PLEKHM3: variants seen among roughly 807,000 people sequenced by gnomAD.
The protein encoded by PLEKHM3 is pleckstrin homology domain-containing family M member 3.
PLEKHM3 carries 45 observed loss-of-function variants against 81.8 expected under a neutral mutation model. The observed-to-expected ratio is 0.55, with a 90% CI of 0.43 to 0.71. The LOEUF (loss-of-function observed/expected upper bound fraction) is 0.71, where lower values mean the gene tolerates loss of function less well. PLEKHM3 is among the 30% of genes least tolerant of loss of function. The pLI is 0.00. For missense variants in PLEKHM3, 788 were observed against 924.3 expected (o/e 0.85, Z 1.91); for synonymous variants, 352 against 356.4 (o/e 0.99, Z 0.14).
intron 7 of PLEKHM3, among the ~76,000 whole-genome samples, chr2:207,837,048 C>T (rs2092323368): frequency 6.6e-6 from 1 of 152,102 alleles, no homozygotes; most frequent in Non-Finnish European, 1.5e-5. Context: ...CTGGTTTTTC[C>T]AAAAAACCAA....
chr2:207,887,333 A>G (rs1183047341), intron 6 of PLEKHM3, among the ~76,000 whole-genome samples: 2 of 152,238 alleles, frequency 1.3e-5, no homozygotes, highest in Non-Finnish European at 2.9e-5. Flanking sequence ...TTACTTGACC[A>G]ACAGCAAGTC....
chr2:207,917,414 A>T (rs753531897), intron 5 of PLEKHM3, among the ~76,000 whole-genome samples: 3 of 152,236 alleles, frequency 2.0e-5, no homozygotes, highest in Admixed American at 6.5e-5. Flanking sequence ...TTTTTGCTAA[A>T]ATAGACTTAT....
chr2:208,006,303 TA>T, intron 1 of PLEKHM3, among the ~76,000 whole-genome samples: 1 of 152,310 alleles, frequency 6.6e-6, no homozygotes, highest in Admixed American at 6.5e-5. Flanking sequence ...AATCAAAATA[TA>T]ATAAATATAT....
At chr2:207,890,473 C>A (rs1340154271) in intron 6 of PLEKHM3, among the ~76,000 whole-genome samples, 1 of 152,022 alleles carries the variant, frequency 6.6e-6, no homozygotes, top group African/African-American at 2.4e-5. Flanking sequence ...ACAAAAAATA[C>A]AGAAATTAGC....
intron 7 of PLEKHM3, among the ~76,000 whole-genome samples, chr2:207,835,031 T>C (rs1248923536): frequency 1.3e-5 from 2 of 151,598 alleles, no homozygotes; most frequent in Non-Finnish European, 2.9e-5. Flanking sequence ...ACCTCTGCCT[T>C]CCGGTTTCGA....
intron 5 of PLEKHM3, among the ~76,000 whole-genome samples, chr2:207,916,090 T>C (rs1422193718): frequency 6.6e-6 from 1 of 152,212 alleles, no homozygotes; most frequent in Non-Finnish European, 1.5e-5. Flanking sequence ...TAGCAGCCCA[T>C]GTGGAAGAAA....
intron 5 of PLEKHM3, among the ~76,000 whole-genome samples, chr2:207,930,545 G>A (rs1689554857): frequency 6.6e-6 from 1 of 151,762 alleles, no homozygotes; most frequent in Non-Finnish European, 1.5e-5. Context: ...CTTATTTTTT[G>A]CTGATGAGAA....
intron 7 of PLEKHM3, among the ~76,000 whole-genome samples, chr2:207,829,254 T>G (rs1332830639): frequency 6.6e-6 from 1 of 152,108 alleles, no homozygotes; most frequent in Non-Finnish European, 1.5e-5. Flanking sequence ...CTAAATAACT[T>G]GTTTTTACAG....
intron 4 of PLEKHM3, 79 bp downstream of exon 4, chr2:207,946,288 T>A (rs1690126519): frequency 1.3e-6 from 2 of 1,485,860 alleles, no homozygotes; most frequent in Admixed American, 3.7e-5. Flanking sequence ...AATTGTTTGA[T>A]CACCATCTTT....
At chr2:207,951,107 A>G (rs1461067102) in intron 3 of PLEKHM3, among the ~76,000 whole-genome samples, 1 of 152,226 alleles carries the variant, frequency 6.6e-6, no homozygotes, top group African/African-American at 2.4e-5. Context: ...ATCATGGACT[A>G]AAAATGTCTG....
intron 2 of PLEKHM3, among the ~76,000 whole-genome samples, chr2:208,000,235 C>A (rs886920623): frequency 6.6e-6 from 1 of 152,198 alleles, no homozygotes; most frequent in African/African-American, 2.4e-5. Context: ...GTCCTTTGCT[C>A]TACTTGCCAG....
chr2:207,927,242 C>T (rs1293996759), intron 5 of PLEKHM3, among the ~76,000 whole-genome samples: 1 of 152,122 alleles, frequency 6.6e-6, no homozygotes, highest in Admixed American at 6.5e-5. Context: ...ACAAAGGGAG[C>T]CTTAAATATT....
At chr2:208,007,215 CA>C (rs1692522895) in intron 1 of PLEKHM3, among the ~76,000 whole-genome samples, 1 of 152,150 alleles carries the variant, frequency 6.6e-6, no homozygotes. Flanking sequence ...TATCAATTTT[CA>C]AAAATAAGAG....
At chr2:208,019,243 C>T (rs537720467) in intron 1 of PLEKHM3, among the ~76,000 whole-genome samples, 6 of 152,250 alleles carry the variant, frequency 3.9e-5, no homozygotes, top group African/African-American at 1.4e-4. Flanking sequence ...GAGTTTGAGG[C>T]TGCAGTGAGC....
At chr2:207,899,235 T>C (rs1212674194) in intron 6 of PLEKHM3, among the ~76,000 whole-genome samples, 1 of 152,220 alleles carries the variant, frequency 6.6e-6, no homozygotes, top group Non-Finnish European at 1.5e-5. Context: ...AACATCTGAA[T>C]AGATAGTGCC....
At chr2:207,893,640 C>G (rs1190210831) in intron 6 of PLEKHM3, among the ~76,000 whole-genome samples, 1 of 152,032 alleles carries the variant, frequency 6.6e-6, no homozygotes, top group African/African-American at 2.4e-5. Context: ...AAATTAGTCA[C>G]AGTTATAAAT....
At chr2:207,990,980 A>C (rs551009495) in intron 2 of PLEKHM3, among the ~76,000 whole-genome samples, 1 of 152,316 alleles carries the variant, frequency 6.6e-6, no homozygotes, top group Admixed American at 6.5e-5. Flanking sequence ...TCTTCCATCC[A>C]GTTCTTTGCT....
At chr2:207,987,585 TGA>T (rs1247347982) in intron 2 of PLEKHM3, among the ~76,000 whole-genome samples, 2 of 152,192 alleles carry the variant, frequency 1.3e-5, no homozygotes, top group Non-Finnish European at 2.9e-5. Context: ...GGTAATAATA[TGA>T]GTTATGCATT....
chr2:208,020,492 T>C (rs1459350693), intron 1 of PLEKHM3, among the ~76,000 whole-genome samples: 1 of 152,208 alleles, frequency 6.6e-6, no homozygotes, highest in Non-Finnish European at 1.5e-5. Context: ...AGGCAAATTA[T>C]GCATGTTTTT....
Sources: gnomAD v4.1 joint callset for allele counts (sites outside exome capture counted in the v4.1 genomes callset) on GRCh38, gnomAD v4.1.1 for gene constraint, MANE v1.5 for transcripts, NCBI Gene and HGNC (gene_info 2026-07-23, HGNC 2026-07-21) for gene names.